The following RXYLT1 variants were observed in gnomAD, a reference collection of about 807,000 sequenced individuals.
RXYLT1 encodes ribitol-5-phosphate xylosyltransferase 1.
In RXYLT1, 41 loss-of-function variants were observed where a neutral mutation model predicts 43.5. The ratio of observed to expected loss-of-function variants is 0.94; its 90% CI spans 0.73 to 1.22. The LOEUF is 1.22. RXYLT1 is among the 50% of genes most tolerant of loss of function. The probability of loss-of-function intolerance (pLI) is 0.00; values close to 1 mark genes in which losing one functional copy is unlikely to be tolerated. For synonymous variants in RXYLT1, 166 were observed against 194.4 expected, an observed-to-expected ratio of 0.85 and a Z score of 1.21; for missense variants, 514 against 532.0, an observed-to-expected ratio of 0.97 and a Z score of 0.33.
intron 3 of RXYLT1, among the ~76,000 whole-genome samples, chr12:63,792,859 A>T (rs569875617): frequency 6.6e-6 from 1 of 152,320 alleles, no homozygotes; most frequent in South Asian, 2.1e-4. Flanking sequence ...TCTACAAGTC[A>T]CCTCCAATAT....
intron 2 of RXYLT1, among the ~76,000 whole-genome samples, 200 bp from the exon 3 acceptor site, chr12:63,784,767 GCTT>G (rs1897763052): frequency 6.6e-6 from 1 of 152,162 alleles, no homozygotes; most frequent in African/African-American, 2.4e-5. Flanking sequence ...CACACTAACA[GCTT>G]CTGAGCTCTG....
intron 1 of RXYLT1, 175 bp downstream of exon 1, chr12:63,780,304 G>T: frequency 7.4e-7 from 1 of 1,347,926 alleles, no homozygotes; most frequent in Non-Finnish European, 9.5e-7. Flanking sequence ...TTGGAGAATG[G>T]TCCTCATTCT....
At chr12:63,792,465 A>G (rs1490457930) in intron 3 of RXYLT1, among the ~76,000 whole-genome samples, 2 of 152,356 alleles carry the variant, frequency 1.3e-5, no homozygotes, top group African/African-American at 2.4e-5. Context: ...TCAAAGATTA[A>G]TGAGCATTCA....
chr12:63,794,605 T>C (rs1051364726), intron 3 of RXYLT1, among the ~76,000 whole-genome samples: 2 of 152,168 alleles, frequency 1.3e-5, no homozygotes, highest in African/African-American at 4.8e-5. Context: ...GATTTATTTG[T>C]AAAGTTATTA....
Position 63,797,699 on chromosome 12 carries a change from G to A in RXYLT1, c.429-4392G>A, listed in dbSNP as rs1898065872. On this transcript the variant is annotated intron_variant, in intron 3 of 5. Transcript: ENST00000261234. The stretch of plus-strand genomic sequence containing the variant: ...AAAGCAATTGAGGATGATTAAGCAG[G>A]ATAGTGGTATTGTCATGTGTTTATG... 2.6e-5 allele frequency among the ~76,000 whole-genome samples: 4 copies of A among 152,158 alleles called. No homozygotes were observed. The South Asian group carries it at 8.3e-4, about 31-fold the overall frequency.
At chr12:63,799,231 C>A (rs988054215) in intron 3 of RXYLT1, among the ~76,000 whole-genome samples, 3 of 150,732 alleles carry the variant, frequency 2.0e-5, no homozygotes, top group Non-Finnish European at 4.4e-5. Flanking sequence ...ATGAAAGTTA[C>A]ATTTGAGAAT....
At chr12:63,806,702 C>G (rs927535558) in intron 5 of RXYLT1, 23 of 152,204 alleles carry the variant, frequency 1.5e-4, no homozygotes, top group Admixed American at 1.0e-3. Flanking sequence ...CTCATTGTTG[C>G]TTCTAGACTA....
At chr12:63,793,113 T>C (rs1251845328) in intron 3 of RXYLT1, among the ~76,000 whole-genome samples, 1 of 152,224 alleles carries the variant, frequency 6.6e-6, no homozygotes, top group Non-Finnish European at 1.5e-5. Context: ...GAAATTCTTA[T>C]CTATGCTTTG....
intron 1 of RXYLT1, 191 bp downstream of exon 1, chr12:63,780,320 A>C: frequency 7.7e-7 from 1 of 1,300,028 alleles, no homozygotes; most frequent in Non-Finnish European, 9.7e-7. Flanking sequence ...ATTCTTACCC[A>C]GATCTCACAC....
chr12:63,802,469 C>T lies in RXYLT1; in HGVS notation c.743+64C>T, dbSNP rs902584864. 3 of 1,432,640 alleles carry T rather than the reference C, an allele frequency of 2.1e-6. No individual in the cohort carries two copies. In the African/African-American group the frequency reaches 4.3e-5, roughly 21 times the overall value. 88.7% of individuals were successfully genotyped at this position (1,432,640 alleles called of 1,614,324 possible). A position where few individuals can be genotyped will look rare whatever the true frequency, so the allele number is the denominator to read the frequency against. On this transcript the variant is annotated intron_variant, in intron 4 of 5. Transcript: ENST00000261234. ...CACCTGAATTTCTGAACCAGGAAGACTTATTCAAAATTGTAATAAATTTAG... is the reference window on the plus strand; with the variant it reads ...CACCTGAATTTCTGAACCAGGAAGATTTATTCAAAATTGTAATAAATTTAG...
At chr12:63,804,515 G>A (rs1898239566) in intron 4 of RXYLT1, 2 of 152,008 alleles carry the variant, frequency 1.3e-5, no homozygotes, top group African/African-American at 4.8e-5. Flanking sequence ...CTTTGCAATA[G>A]CAAAATATAT....
chr12:63,791,216 T>A, intron 3 of RXYLT1, among the ~76,000 whole-genome samples: 1 of 152,306 alleles, frequency 6.6e-6, no homozygotes, highest in South Asian at 2.1e-4. Flanking sequence ...ATAGGACAAT[T>A]TTATTTTTAA....
rs151335175 is a variant in RXYLT1, at chr12:63,782,575, C to A, written c.325+1401C>A. ...GCAGCGTTTCTGCTCATAAAACATT[C>A]TGAAGAACCTTGTGGGCCCTCTGTG... On this transcript the variant is annotated intron_variant, in intron 2 of 5. Transcript: ENST00000261234. The A allele has an allele frequency of 7.4e-5, 34 of 456,684 alleles. No individual in the cohort carries two copies. The East Asian group carries it at 2.4e-3, about 32-fold the overall frequency. The allele number at this position is 456,684 out of a possible 1,614,324, so 28.3% of individuals were successfully genotyped here. A position where few individuals can be genotyped will look rare whatever the true frequency, so the allele number is the denominator to read the frequency against.
At chr12:63,801,077 T>C (rs1898149142) in intron 3 of RXYLT1, among the ~76,000 whole-genome samples, 1 of 152,224 alleles carries the variant, frequency 6.6e-6, no homozygotes, top group South Asian at 2.1e-4. Context: ...TGTACTGTTT[T>C]CTAGTCCCTT....
At chr12:63,787,494 A>G (rs1897830808) in intron 3 of RXYLT1, among the ~76,000 whole-genome samples, 1 of 152,220 alleles carries the variant, frequency 6.6e-6, no homozygotes, top group Admixed American at 6.5e-5. Context: ...CGTCCCATGA[A>G]TCATGAATGT....
intron 3 of RXYLT1, chr12:63,790,690 C>T (rs2136225110): frequency 6.6e-6 from 1 of 152,364 alleles, no homozygotes; most frequent in East Asian, 1.9e-4. Context: ...GCCCAACTAA[C>T]TGACCTCATG....
intron 2 of RXYLT1, 143 bp from the exon 3 acceptor site, chr12:63,784,827 G>C (rs1230213669): frequency 8.9e-6 from 5 of 563,892 alleles, no homozygotes; most frequent in Middle Eastern, 4.2e-4. Flanking sequence ...TTGCTTGATA[G>C]CACTGCCTGC....
intron 3 of RXYLT1, among the ~76,000 whole-genome samples, chr12:63,799,799 G>A (rs2136230325): frequency 6.6e-6 from 1 of 152,106 alleles, no homozygotes; most frequent in Non-Finnish European, 1.5e-5. Flanking sequence ...ATGCTCTTAA[G>A]AATTATACCT....
chr12:63,802,226 G>A lies in RXYLT1; in HGVS notation c.564G>A (p.Val188=), dbSNP rs1198402200. The change falls in exon 4 of 6, where the codon GTG becomes GTA. Residue 188 remains valine (V), a synonymous_variant. Transcript: ENST00000261234. The part of the protein sequence containing the change: ...TQWLLYAQNL[V]QIQKLQHLAV... ...GGTTACTTTATGCACAAAATTTAGT[G>A]CAAATTCAAAAACTCCAGCATCTTG... 2 of 1,613,952 alleles carry A rather than the reference G, an allele frequency of 1.2e-6. No individual in the cohort carries two copies. The highest frequency in any genetic ancestry group is 1.7e-6 in the Non-Finnish European group (2 of 1,180,016).
Sources: gnomAD v4.1 joint callset for allele counts (sites outside exome capture counted in the v4.1 genomes callset) on GRCh38, gnomAD v4.1.1 for gene constraint, MANE v1.5 for transcripts, NCBI Gene and HGNC (gene_info 2026-07-23, HGNC 2026-07-21) for gene names.